LINGO2: variants seen among roughly 807,000 people sequenced by gnomAD.
LINGO2 encodes leucine-rich repeat and immunoglobulin-like domain-containing nogo receptor-interacting protein 2.
A neutral mutation model predicts 30.6 loss-of-function variants in LINGO2; 14 were observed. The ratio of observed to expected loss-of-function variants is 0.46; its 90% CI spans 0.30 to 0.72. LINGO2 has a LOEUF of 0.72. Ranked by LOEUF, LINGO2 falls within the 30% of genes least tolerant of loss-of-function variation. The probability of loss-of-function intolerance (pLI) is 0.07; values close to 1 mark genes in which losing one functional copy is unlikely to be tolerated. For missense variants in LINGO2, 729 were observed against 751.7 expected, an observed-to-expected ratio of 0.97 and a Z score of 0.35; for synonymous variants, 317 against 288.5, an observed-to-expected ratio of 1.10 and a Z score of -1.00.
intron 1 of LINGO2, among the ~76,000 whole-genome samples, chr9:28,653,099 C>A (rs539566778): frequency 6.6e-6 from 1 of 152,070 alleles, no homozygotes. Context: ...TTATTAAGCA[C>A]CCTGTGGAAT....
intron 3 of LINGO2, among the ~76,000 whole-genome samples, chr9:28,348,206 C>T (rs538396462): frequency 1.2e-4 from 18 of 152,008 alleles, no homozygotes; most frequent in East Asian, 5.8e-4. Flanking sequence ...ACGCAGAAGA[C>T]GGGTGATTTC....
At chr9:28,460,865 G>A (rs1025855944) in intron 2 of LINGO2, among the ~76,000 whole-genome samples, 3 of 152,052 alleles carry the variant, frequency 2.0e-5, no homozygotes, top group African/African-American at 7.2e-5. Context: ...AGGTAAGTGA[G>A]CAAGAACTCA....
chr9:27,973,561 G>A (rs1347429818), intron 5 of LINGO2, among the ~76,000 whole-genome samples: 1 of 152,192 alleles, frequency 6.6e-6, no homozygotes, highest in Non-Finnish European at 1.5e-5. Flanking sequence ...GGAAGGATAT[G>A]TTTCAACAGG....
intron 4 of LINGO2, among the ~76,000 whole-genome samples, chr9:28,026,222 G>C (rs1408017304): frequency 6.6e-6 from 1 of 152,106 alleles, no homozygotes; most frequent in Non-Finnish European, 1.5e-5. Context: ...TTGTTGCTAA[G>C]ATTTTATTAC....
At chr9:28,714,364 C>T in the LINGO2 span, among the ~76,000 whole-genome samples, 1 of 151,788 alleles carries the variant, frequency 6.6e-6, no homozygotes, top group Non-Finnish European at 1.5e-5. Context: ...GCTCAAAATG[C>T]TTGCCAAGCA....
the LINGO2 span, among the ~76,000 whole-genome samples, chr9:28,848,363 TTGTGTGTGTGTGTGTGTG>T: frequency 2.7e-4 from 20 of 74,674 alleles, no homozygotes; most frequent in African/African-American, 9.0e-4. Flanking sequence ...TACACATATA[TTGTGTGTGTGTGTGTGTG>T]TGTGTGTGTG....
intron 4 of LINGO2, among the ~76,000 whole-genome samples, chr9:28,057,488 G>T (rs144434152): frequency 7.9e-6 from 1 of 126,710 alleles, no homozygotes; most frequent in East Asian, 2.0e-4. Context: ...CTTGTTCATG[G>T]CTTTCCAGTT....
At chr9:29,127,702 G>A in the LINGO2 span, among the ~76,000 whole-genome samples, 1 of 152,004 alleles carries the variant, frequency 6.6e-6, no homozygotes, top group Non-Finnish European at 1.5e-5. Flanking sequence ...CCACTCTCTG[G>A]CATTACCTGA....
chr9:28,085,972 C>T (rs982092117), intron 4 of LINGO2, among the ~76,000 whole-genome samples: 17 of 151,922 alleles, frequency 1.1e-4, no homozygotes, highest in African/African-American at 3.1e-4. Context: ...CTTACACGAA[C>T]AATGTGCATG....
the LINGO2 span, among the ~76,000 whole-genome samples, chr9:28,987,187 G>A: frequency 6.7e-6 from 1 of 150,264 alleles, no homozygotes; most frequent in Non-Finnish European, 1.5e-5. Context: ...GCTTTTCTGT[G>A]ATGGGAGACT....
the LINGO2 span, among the ~76,000 whole-genome samples, chr9:29,175,807 A>G: frequency 6.6e-6 from 1 of 152,130 alleles, no homozygotes; most frequent in Non-Finnish European, 1.5e-5. Context: ...TTTTTTAAAA[A>G]GCGTATATGA....
the LINGO2 span, among the ~76,000 whole-genome samples, chr9:28,865,286 C>G: frequency 2.8e-4 from 42 of 152,100 alleles, 1 homozygote; most frequent in Middle Eastern, 0.01. Flanking sequence ...TAAGAGAACT[C>G]CAGAATAATG....
chr9:28,110,212 A>G (rs1435922878), intron 4 of LINGO2, among the ~76,000 whole-genome samples: 2 of 152,184 alleles, frequency 1.3e-5, no homozygotes, highest in African/African-American at 2.4e-5. Context: ...CTGAAACTGG[A>G]CCCCTTCCTT....
At chr9:27,953,296 A>T (rs1204554339) in intron 5 of LINGO2, among the ~76,000 whole-genome samples, 1 of 152,328 alleles carries the variant, frequency 6.6e-6, no homozygotes, top group Middle Eastern at 3.4e-3. Flanking sequence ...CTAGAAATGT[A>T]TCATTAGAAA....
chr9:27,972,064 C>T (rs1554647319), intron 5 of LINGO2, among the ~76,000 whole-genome samples: 4 of 151,750 alleles, frequency 2.6e-5, no homozygotes, highest in Non-Finnish European at 5.9e-5. Flanking sequence ...ATAATGGGTA[C>T]TGCAATGGAA....
the LINGO2 span, among the ~76,000 whole-genome samples, chr9:29,176,287 C>G: frequency 6.6e-6 from 1 of 152,174 alleles, no homozygotes; most frequent in African/African-American, 2.4e-5. Flanking sequence ...CCTGATCCTG[C>G]TACCAGACTG....
At chr9:29,092,965 T>C in the LINGO2 span, among the ~76,000 whole-genome samples, 1 of 130,866 alleles carries the variant, frequency 7.6e-6, no homozygotes, top group South Asian at 2.4e-4. Flanking sequence ...AGATATGCCA[T>C]AATTTTTACA....
chr9:29,189,080 CGG>C, the LINGO2 span, among the ~76,000 whole-genome samples: 47 of 77,050 alleles, frequency 6.1e-4, no homozygotes, highest in Non-Finnish European at 1.3e-3. Flanking sequence ...ACCTCCATCC[CGG>C]ACGGGGCGGC....
At chr9:28,750,767 A>G in the LINGO2 span, among the ~76,000 whole-genome samples, 1 of 152,062 alleles carries the variant, frequency 6.6e-6, no homozygotes, top group Non-Finnish European at 1.5e-5. Context: ...AAATAAGATC[A>G]TGTACAACAA....
Sources: gnomAD v4.1 joint callset for allele counts (sites outside exome capture counted in the v4.1 genomes callset) on GRCh38, gnomAD v4.1.1 for gene constraint, MANE v1.5 for transcripts, NCBI Gene and HGNC (gene_info 2026-07-23, HGNC 2026-07-21) for gene names.